Variants in ARID1A observed in about 807,000 individuals in gnomAD.
The protein encoded by ARID1A is AT-rich interactive domain-containing protein 1A.
In ARID1A, 20 loss-of-function variants were observed where a neutral mutation model predicts 212.6. The observed-to-expected ratio is 0.09, with a 90% CI of 0.07 to 0.14. The LOEUF is 0.14. Ranked by LOEUF, ARID1A falls within the 10% of genes least tolerant of loss-of-function variation. The pLI is 1.00. For missense variants in ARID1A, 2,587 were observed against 3,059.0 expected (o/e 0.85, Z 3.64); for synonymous variants, 1,376 against 1,222.1 (o/e 1.13, Z -2.63).
chr1:26,718,270 C>T (rs771504645), intron 1 of ARID1A, among the ~76,000 whole-genome samples: 1 of 152,220 alleles, frequency 6.6e-6, no homozygotes, highest in African/African-American at 2.4e-5. Context: ...CCACCGCACC[C>T]AGCCGTTGTT....
chr1:26,705,285 C>T (rs1359574585), intron 1 of ARID1A, among the ~76,000 whole-genome samples: 1 of 152,046 alleles, frequency 6.6e-6, no homozygotes, highest in Non-Finnish European at 1.5e-5. Context: ...TTATAGGCTT[C>T]CACCACCATG....
chr1:26,696,541 G>A lies in ARID1A; in HGVS notation c.138G>A (p.Glu46=), dbSNP rs1161259379. The A allele has an allele frequency of 1.6e-6, 2 of 1,228,714 alleles. No individual in the cohort carries two copies. Among genetic ancestry groups the A allele is most frequent in the South Asian group, 4.0e-5 (1 of 25,190 alleles). 76.1% of individuals were successfully genotyped at this position (1,228,714 alleles called of 1,614,324 possible). ...GGEAAAAAAA[E]RGEMKAAAGQ... ...AGGCGGCGGCGGCGGCAGCGGCCGAGCGCGGGGAAATGAAGGCAGCCGCCG... is the reference window on the plus strand; with the variant it reads ...AGGCGGCGGCGGCGGCAGCGGCCGAACGCGGGGAAATGAAGGCAGCCGCCG... Residue 46 remains glutamate, a synonymous_variant, in exon 1 of 20, where the codon GAG becomes GAA. Transcript: ENST00000324856.
At chr1:26,732,576 C>T in intron 3 of ARID1A, 100 bp from the exon 4 acceptor site, 1 of 936,852 alleles carries the variant, frequency 1.1e-6, no homozygotes, top group Non-Finnish European at 1.7e-6. Flanking sequence ...GACTTTCTCT[C>T]ACACTCATGA....
chr1:26,764,371 C>T (rs1035149923), intron 8 of ARID1A: 1 of 151,012 alleles, frequency 6.6e-6, no homozygotes, highest in African/African-American at 2.4e-5. Context: ...GGTTTAACTT[C>T]TATCAGTCAA....
At chr1:26,744,376 T>C (rs1203052844) in intron 4 of ARID1A, among the ~76,000 whole-genome samples, 1 of 152,244 alleles carries the variant, frequency 6.6e-6, no homozygotes, top group African/African-American at 2.4e-5. Flanking sequence ...AACCTTTTGT[T>C]TCCTTCGGAA....
chr1:26,710,494 T>TATACACACACAC (rs1553147496), intron 1 of ARID1A, among the ~76,000 whole-genome samples: 1 of 131,426 alleles, frequency 7.6e-6, no homozygotes, highest in Non-Finnish European at 1.6e-5. Flanking sequence ...AAATAATACA[T>TATACACACACAC]ACACACACAC....
At chr1:26,734,436 G>A (rs906018785) in intron 4 of ARID1A, among the ~76,000 whole-genome samples, 2 of 147,660 alleles carry the variant, frequency 1.4e-5, no homozygotes, top group Non-Finnish European at 3.0e-5. Context: ...CTTCTTATCT[G>A]ACCCACTGAA....
chr1:26,696,375 G>C lies in ARID1A; in HGVS notation c.-29G>C. 1 of 1,239,558 alleles carries C rather than the reference G, an allele frequency of 8.1e-7. No individual in the cohort carries two copies. The highest frequency in any genetic ancestry group is 1.0e-6 in the Non-Finnish European group (1 of 990,720). The allele number at this position is 1,239,558 out of a possible 1,614,324, so 76.8% of individuals were successfully genotyped here. ...GGGGAGAAGACGAAGACAGGGCCGG[G>C]TCTCTCCGCGGACGAGACAGCGGGG... On this transcript the variant is annotated 5_prime_UTR_variant, in exon 1 of 20. Coordinates refer to ENST00000324856, the MANE Select transcript of ARID1A (RefSeq NM_006015.6).
At chr1:26,773,210 CTT>C (rs2081099560) in intron 14 of ARID1A, 134 bp from the exon 15 acceptor site, 3 of 1,358,074 alleles carry the variant, frequency 2.2e-6, no homozygotes, top group African/African-American at 1.5e-5. Context: ...GTTGGGGCCT[CTT>C]TAGATCTCTG....
intron 4 of ARID1A, among the ~76,000 whole-genome samples, chr1:26,755,373 T>G (rs80157960): frequency 0.058 from 8,855 of 152,314 alleles, 366 homozygotes; most frequent in Non-Finnish European, 0.087. Flanking sequence ...ATCAGAGAGA[T>G]AAGAAGATTA....
chr1:26,779,511 C>G lies in ARID1A; in HGVS notation c.5613C>G (p.His1871Gln), dbSNP rs772057809. ...CAGAGCTGCTGCCTTCCCGGCCTCA[C>G]GCACCCTGCCCACCAGCCCCTCGGA... is the stretch of plus-strand genomic sequence containing the variant. ...SKTELLPSRP[H>Q]APCPPAPRKH... The change falls in exon 20 of 20, where the codon CAC (histidine) becomes CAG (glutamine). Residue 1871 changes from histidine (H) to glutamine (Q), a missense_variant. His to Gln is a conservative substitution (Grantham distance 24). Transcript: ENST00000324856. The G allele has an allele frequency of 9.9e-6, 16 of 1,613,984 alleles. No homozygotes were observed. The highest frequency in any genetic ancestry group is 1.3e-5 in the Non-Finnish European group (15 of 1,180,036).
chr1:26,757,216 T>TAA (rs879619044), intron 4 of ARID1A, among the ~76,000 whole-genome samples: 8 of 111,974 alleles, frequency 7.1e-5, no homozygotes, highest in African/African-American at 1.7e-4. Context: ...CCCTGTCTCT[T>TAA]AAAAAAAAAA....
intron 8 of ARID1A, among the ~76,000 whole-genome samples, chr1:26,763,642 C>T (rs147059466): frequency 0.039 from 5,996 of 152,214 alleles, 397 homozygotes; most frequent in African/African-American, 0.13. Context: ...TGGTGGCGCA[C>T]GCCTGTAATC....
At chr1:26,773,044 G>T (rs2124108716) in intron 14 of ARID1A, 57 bp downstream of exon 14, 3 of 1,563,576 alleles carry the variant, frequency 1.9e-6, no homozygotes, top group African/African-American at 2.7e-5. Flanking sequence ...CCAGTGAAAT[G>T]GGGGGAAATC....
chr1:26,699,941 T>C (rs1331110901), intron 1 of ARID1A, among the ~76,000 whole-genome samples: 1 of 152,190 alleles, frequency 6.6e-6, no homozygotes, highest in Non-Finnish European at 1.5e-5. Flanking sequence ...GGAGAATAGA[T>C]ACAGTCCCTG....
At chr1:26,711,299 T>C (rs894649835) in intron 1 of ARID1A, among the ~76,000 whole-genome samples, 2 of 151,966 alleles carry the variant, frequency 1.3e-5, no homozygotes, top group Non-Finnish European at 2.9e-5. Flanking sequence ...TATATATATT[T>C]TTTAGTAGAG....
chr1:26,696,443 G>T lies in ARID1A; in HGVS notation c.40G>T (p.Gly14Cys). ...QVAPAAASSL[G>C]NPPPPPPSEL... ...CGCCCCCGCCGCCGCCAGCAGCCTGGGCAACCCGCCGCCGCCGCCGCCCTC... is the reference window on the plus strand; with the variant it reads ...CGCCCCCGCCGCCGCCAGCAGCCTGTGCAACCCGCCGCCGCCGCCGCCCTC... The change falls in exon 1 of 20, where the codon GGC becomes TGC. Residue 14 changes from glycine (G) to cysteine (C), a missense_variant. Gly to Cys is a radical substitution (Grantham distance 159). Transcript: ENST00000324856. The T allele has an allele frequency of 7.7e-7, 1 of 1,292,408 alleles. No homozygotes were observed. Among genetic ancestry groups the T allele is most frequent in the South Asian group, 2.3e-5 (1 of 43,868 alleles). The allele number at this position is 1,292,408 out of a possible 1,614,324, so 80.1% of individuals were successfully genotyped here.
chr1:26,769,135 C>G (rs1413494459), intron 11 of ARID1A: 3 of 152,202 alleles, frequency 2.0e-5, no homozygotes, highest in African/African-American at 7.2e-5. Context: ...CTGCCATTCT[C>G]CCTGATACTC....
intron 1 of ARID1A, among the ~76,000 whole-genome samples, chr1:26,707,643 A>G (rs915495553): frequency 5.3e-5 from 8 of 151,838 alleles, no homozygotes; most frequent in Non-Finnish European, 1.0e-4. Flanking sequence ...GTGCCTGGCA[A>G]GGATCCTGAC....
Sources: allele counts gnomAD v4.1 joint callset (sites outside exome capture counted in the v4.1 genomes callset), GRCh38; gene constraint gnomAD v4.1.1; transcripts MANE v1.5; gene names NCBI Gene and HGNC (gene_info 2026-07-23, HGNC 2026-07-21).